KIRREL3: variants seen among roughly 807,000 people sequenced by gnomAD.
The protein encoded by KIRREL3 is kirre like nephrin family adhesion molecule 3, also known as kin of IRRE-like protein 3.
In KIRREL3, 36 loss-of-function variants were observed where a neutral mutation model predicts 89.7. That is an observed-to-expected ratio of 0.40 (90% confidence interval 0.31 to 0.53). KIRREL3 has a LOEUF of 0.53. Among genes scored for constraint, KIRREL3 ranks in the 20% least tolerant of loss-of-function variants. The pLI, the probability that KIRREL3 is intolerant of heterozygous loss-of-function variation, is 0.49. For missense variants in KIRREL3, 864 were observed against 1,056.6 expected, an observed-to-expected ratio of 0.82 and a Z score of 2.53; for synonymous variants, 445 against 441.4, an observed-to-expected ratio of 1.01 and a Z score of -0.10.
chr11:126,684,403 A>G lies in KIRREL3; in HGVS notation c.56-121491T>C, dbSNP rs139874500. ...TACATTAAAAACACATCGAAGCAAAACCTCCTGGTTGAACTGGCTTCCCTG... is the reference window on the plus strand; with the variant it reads ...TACATTAAAAACACATCGAAGCAAAGCCTCCTGGTTGAACTGGCTTCCCTG... On this transcript the variant is annotated intron_variant, in intron 1 of 16. Coordinates refer to ENST00000525144, the MANE Select transcript of KIRREL3 (RefSeq NM_032531.4). The surrounding 1 kb of genome is among the most constrained non-coding windows in gnomAD (Gnocchi z 4.2). 3.3e-5 allele frequency among the ~76,000 whole-genome samples: 5 copies of G among 152,080 alleles called. No individual in the cohort carries two copies. The highest frequency in any genetic ancestry group is 2.1e-4 in the South Asian group (1 of 4,804).
chr11:126,695,541 C>T (rs1947060432), intron 1 of KIRREL3, among the ~76,000 whole-genome samples: 1 of 152,062 alleles, frequency 6.6e-6, no homozygotes, highest in Non-Finnish European at 1.5e-5. Flanking sequence ...ACCGCTGTCT[C>T]TCCAGGCTCA....
At chr11:126,452,063 G>C (rs1443799622) in intron 7 of KIRREL3, among the ~76,000 whole-genome samples, 1 of 152,054 alleles carries the variant, frequency 6.6e-6, no homozygotes, top group African/African-American at 2.4e-5. Flanking sequence ...GCCTCCGTCT[G>C]ACCCATCCAG....
intron 1 of KIRREL3, among the ~76,000 whole-genome samples, chr11:126,922,111 C>T (rs1251430455): frequency 7.9e-6 from 1 of 126,814 alleles, no homozygotes; most frequent in Non-Finnish European, 1.7e-5. Flanking sequence ...ATCGATCTAT[C>T]TATCTGTCTG....
intron 4 of KIRREL3, among the ~76,000 whole-genome samples, chr11:126,478,177 C>T (rs1259752808): frequency 2.0e-5 from 3 of 151,668 alleles, no homozygotes; most frequent in African/African-American, 7.3e-5. Context: ...TCCTCTCTGT[C>T]TGTAACGCTC....
At chr11:126,433,139 A>T (rs1231377258) in intron 13 of KIRREL3, among the ~76,000 whole-genome samples, 1 of 152,168 alleles carries the variant, frequency 6.6e-6, no homozygotes, top group Non-Finnish European at 1.5e-5. Flanking sequence ...TCAGCCTCCG[A>T]AAGTGCTGGG....
chr11:126,470,218 G>C (rs904041963), intron 5 of KIRREL3, among the ~76,000 whole-genome samples: 1 of 152,240 alleles, frequency 6.6e-6, no homozygotes, highest in African/African-American at 2.4e-5. Context: ...TAGGGTCCAG[G>C]CTGGCCCAAG....
At chr11:126,979,069 C>T (rs1015354280) in intron 1 of KIRREL3, among the ~76,000 whole-genome samples, 5 of 152,180 alleles carry the variant, frequency 3.3e-5, no homozygotes, top group Non-Finnish European at 4.4e-5. Context: ...CTCAGACAAA[C>T]AGCTATTAAG....
At position 126,897,310 on chromosome 11, in the gene KIRREL3, A is replaced by G. The variant is rs1946204947; in HGVS notation, c.55+103145T>C. ...CTGGAATGTCCAGGACTGAGGGGAC[A>G]GTCATGAGGGGGAGATGACACAGTT... is the stretch of plus-strand genomic sequence containing the variant. On this transcript the variant is annotated intron_variant, in intron 1 of 16. Coordinates refer to ENST00000525144, the MANE Select transcript of KIRREL3 (RefSeq NM_032531.4). This position sits in a 1 kb window ranked among gnomAD's most constrained non-coding sequence, Gnocchi z 4.2. 6.6e-6 allele frequency among the ~76,000 whole-genome samples: 1 copy of G among 152,130 alleles called. No homozygotes were observed. The highest frequency in any genetic ancestry group is 6.5e-5 in the Admixed American group (1 of 15,278).
Position 126,797,737 on chromosome 11 carries a change from G to A in KIRREL3, c.55+202718C>T, listed in dbSNP as rs540249705. ...CACATGGTTGAAAAGAACTGTAATT[G>A]TAATGGAAATTCAAATCACTCCACT... On this transcript the variant is annotated intron_variant, in intron 1 of 16. Transcript: ENST00000525144. The surrounding 1 kb of genome is among the most constrained non-coding windows in gnomAD (Gnocchi z 4.9). Among the ~76,000 whole-genome samples the A allele has an allele frequency of 1.3e-5, 2 of 152,258 alleles. No homozygotes were observed. Among genetic ancestry groups the A allele is most frequent in the African/African-American group, 4.8e-5 (2 of 41,550 alleles).
In KIRREL3 at chr11:126,995,558, C is replaced by G; in HGVS notation, c.55+4897G>C. ...CCCCCTTAGCATCCCCCATCTATAT[C>G]AAGACCATAAAACCAGTGCTTTTGG... On this transcript the variant is annotated intron_variant, in intron 1 of 16. Coordinates refer to ENST00000525144, the MANE Select transcript of KIRREL3 (RefSeq NM_032531.4). This position sits in a 1 kb window ranked among gnomAD's most constrained non-coding sequence, Gnocchi z 6.5. 5.8e-6 allele frequency: 2 copies of G among 342,196 alleles called. No homozygotes were observed. The highest frequency in any genetic ancestry group is 1.1e-5 in the Non-Finnish European group (2 of 174,912). The allele number at this position is 342,196 out of a possible 1,614,324, so 21.2% of individuals were successfully genotyped here.
intron 1 of KIRREL3, among the ~76,000 whole-genome samples, chr11:126,707,817 C>G (rs1947594434): frequency 6.8e-6 from 1 of 146,014 alleles, no homozygotes; most frequent in Non-Finnish European, 1.5e-5. Context: ...AGTGCTTCCT[C>G]TTGGTCCTTG....
intron 2 of KIRREL3, among the ~76,000 whole-genome samples, chr11:126,554,535 A>G (rs1490859052): frequency 6.6e-6 from 1 of 152,110 alleles, no homozygotes; most frequent in Non-Finnish European, 1.5e-5. Flanking sequence ...TTAAAAGTCT[A>G]TGATTGTCAA....
At chr11:126,731,031 GC>G (rs936243102) in intron 1 of KIRREL3, among the ~76,000 whole-genome samples, 1 of 152,056 alleles carries the variant, frequency 6.6e-6, no homozygotes, top group Non-Finnish European at 1.5e-5. Flanking sequence ...GAGCCACCGC[GC>G]CCAGCCAACA....
chr11:126,862,486 A>G (rs1015240734), intron 1 of KIRREL3, among the ~76,000 whole-genome samples: 1 of 152,200 alleles, frequency 6.6e-6, no homozygotes, highest in Non-Finnish European at 1.5e-5. Flanking sequence ...AATCTGATCC[A>G]TCTCAGCAGA....
chr11:126,689,840 T>C lies in KIRREL3; in HGVS notation c.56-126928A>G, dbSNP rs952382562. Reference sequence around the variant, plus strand: ...ATGGCTGCACAGAGAATCGGTGCCCTTGGCAGGTAAGTGAATAAATATGGG... The same window carrying C: ...ATGGCTGCACAGAGAATCGGTGCCCCTGGCAGGTAAGTGAATAAATATGGG... On this transcript the variant is annotated intron_variant, in intron 1 of 16. Transcript: ENST00000525144. The surrounding 1 kb of genome is among the most constrained non-coding windows in gnomAD (Gnocchi z 5.2). Among the ~76,000 whole-genome samples the C allele has an allele frequency of 6.6e-5, 10 of 152,338 alleles. No homozygotes were observed. Among genetic ancestry groups the C allele is most frequent in the African/African-American group, 2.4e-4 (10 of 41,574 alleles).
At position 126,987,560 on chromosome 11, in the gene KIRREL3, T is replaced by C. The variant is rs980498063; in HGVS notation, c.55+12895A>G. 2.6e-5 allele frequency among the ~76,000 whole-genome samples: 4 copies of C among 152,124 alleles called. No homozygotes were observed. The highest frequency in any genetic ancestry group is 2.0e-4 in the Admixed American group (3 of 15,276). ...GGATTTCTCTCTGCAAAAACCTCTG[T>C]CCCAATCTGATGAAGAGAACACCCA... On this transcript the variant is annotated intron_variant, in intron 1 of 16. Coordinates refer to ENST00000525144, the MANE Select transcript of KIRREL3 (RefSeq NM_032531.4). This position sits in a 1 kb window ranked among gnomAD's most constrained non-coding sequence, Gnocchi z 4.6.
Position 126,906,083 on chromosome 11 carries a change from G to A in KIRREL3, c.55+94372C>T, listed in dbSNP as rs949881266. The stretch of plus-strand genomic sequence containing the variant: ...GGCCGGGAGGTGTGCAGAGCCCCAG[G>A]CTCCAATCACACTGCAGCAGGAGCA... On this transcript the variant is annotated intron_variant, in intron 1 of 16. Coordinates refer to ENST00000525144, the MANE Select transcript of KIRREL3 (RefSeq NM_032531.4). The surrounding 1 kb of genome is among the most constrained non-coding windows in gnomAD (Gnocchi z 4.1). Among the ~76,000 whole-genome samples, 1 of 152,164 alleles carries A rather than the reference G, an allele frequency of 6.6e-6. No homozygotes were observed. The highest frequency in any genetic ancestry group is 2.4e-5 in the African/African-American group (1 of 41,444).
Position 126,463,169 on chromosome 11 carries a change from T to C in KIRREL3, c.730A>G (p.Ile244Val). 1 of 1,613,278 alleles carries C rather than the reference T, an allele frequency of 6.2e-7. No individual in the cohort carries two copies. Among genetic ancestry groups the C allele is most frequent in the Non-Finnish European group, 8.5e-7 (1 of 1,179,788 alleles). Residue 244 changes from isoleucine to valine, a missense_variant, in exon 6 of 17, where the codon ATT becomes GTT. Coordinates refer to ENST00000525144, the MANE Select transcript of KIRREL3 (RefSeq NM_032531.4). The surrounding 1 kb of genome is among the most constrained non-coding windows in gnomAD (Gnocchi z 5.9). ...GGTGGGTACTCACGCTGGATGTCAA[T>C]GGTGACCGACGTCTCCTTTCCTCCG... ...IPGGKETSVT[I>V]DIQHPPLVNL...
At chr11:126,713,768 G>A (rs185302783) in intron 1 of KIRREL3, among the ~76,000 whole-genome samples, 7 of 152,256 alleles carry the variant, frequency 4.6e-5, no homozygotes, top group Admixed American at 1.3e-4. Flanking sequence ...AGAAGTGGGC[G>A]AGACCTCCTT....
Sources: gnomAD v4.1 joint callset for allele counts (sites outside exome capture counted in the v4.1 genomes callset) on GRCh38, gnomAD v4.1.1 for gene constraint, Gnocchi (gnomAD v3.1) non-coding constraint, MANE v1.5 for transcripts, NCBI Gene and HGNC (gene_info 2026-07-23, HGNC 2026-07-21) for gene names.